KATNBL1: variants seen among roughly 807,000 people sequenced by gnomAD.
The protein encoded by KATNBL1 is katanin regulatory subunit B1 like 1, also known as KATNB1-like protein 1.
KATNBL1 carries 28 observed loss-of-function variants against 44.7 expected under a neutral mutation model. That is an observed-to-expected ratio of 0.63 (90% CI 0.46 to 0.86). KATNBL1 has a LOEUF of 0.86. Among genes scored for constraint, KATNBL1 ranks in the 40% least tolerant of loss-of-function variants. KATNBL1 has a pLI of 0.00. For synonymous variants in KATNBL1, 78 were observed against 114.9 expected (o/e 0.68, Z 2.06); for missense variants, 272 against 350.7 (o/e 0.78, Z 1.79).
In KATNBL1 at chr15:34,154,819, G is replaced by C. The variant is rs1888588756; in HGVS notation, c.118-135C>G. ...AAGGGTGCCAATCGTGCCTGGAGTGGTCGCAAGAGCATACCGGGCATGGGA... is the reference window on the plus strand; with the variant it reads ...AAGGGTGCCAATCGTGCCTGGAGTGCTCGCAAGAGCATACCGGGCATGGGA... On this transcript the variant is annotated intron_variant, in intron 2 of 9. Transcript: ENST00000256544. The C allele has an allele frequency of 4.6e-6, 3 of 655,046 alleles. No homozygotes were observed. The East Asian group carries it at 8.2e-5, about 18-fold the overall frequency. The allele number at this position is 655,046 out of a possible 1,614,324, so 40.6% of individuals were successfully genotyped here.
chr15:34,155,987 T>A (rs1437073265), intron 2 of KATNBL1, among the ~76,000 whole-genome samples: 1 of 152,206 alleles, frequency 6.6e-6, no homozygotes, highest in South Asian at 2.1e-4. Context: ...TGTGTTTTTT[T>A]CTTTCTCTGG....
intron 1 of KATNBL1, among the ~76,000 whole-genome samples, chr15:34,184,701 T>C (rs1337480840): frequency 2.7e-5 from 4 of 149,188 alleles, no homozygotes; most frequent in Non-Finnish European, 4.4e-5. Context: ...GCCTCCCGAG[T>C]AGCTGGGACT....
In KATNBL1 at chr15:34,166,758, A is replaced by G. The variant is rs537872823; in HGVS notation, c.-14-3068T>C. 1.7e-4 allele frequency among the ~76,000 whole-genome samples: 26 copies of G among 152,316 alleles called. No homozygotes were observed. In the South Asian group the frequency reaches 5.4e-3, roughly 32 times the overall value. On this transcript the variant is annotated intron_variant, in intron 1 of 9. Transcript: ENST00000256544. ...CTTCCAGAGGAAGGATCAGGCAGCA[A>G]TATTTGCTGTTCTGCAGCCTCTGCT... is the stretch of plus-strand genomic sequence containing the variant.
rs1491367010 is a variant in KATNBL1, at chr15:34,151,435, A to ATTTTTTTTTTTTTTTTTTT, written c.438+1354_438+1355insAAAAAAAAAAAAAAAAAAA. On this transcript the variant is annotated intron_variant, in intron 4 of 9. Coordinates refer to ENST00000256544, the MANE Select transcript of KATNBL1 (RefSeq NM_024713.3). ...AAAGTGTCTATTGTGTCCTTTGCCTACTTTTTTTTTTTTTTTTTTTTTTTT... is the reference window on the plus strand; with the variant it reads ...AAAGTGTCTATTGTGTCCTTTGCCTATTTTTTTTTTTTTTTTTTTCTTTTTTTTTTTTTTTTTTTTTTTT... Among the ~76,000 whole-genome samples the ATTTTTTTTTTTTTTTTTTT allele has an allele frequency of 9.4e-5, 6 of 63,826 alleles. 1 individual carries two copies. The highest frequency in any genetic ancestry group is 3.2e-5 in the Non-Finnish European group (1 of 31,218). The allele number at this position is 63,826 out of a possible 152,430, so 41.9% of individuals were successfully genotyped here.
chr15:34,163,552 A>G lies in KATNBL1; in HGVS notation c.117+8T>C. The stretch of plus-strand genomic sequence containing the variant: ...GTCTTATCTGTTTTCTAGAAACCAT[A>G]GACTTACCTCCTTCATGTTCTTATT... On this transcript the variant is annotated splice_region_variant and intron_variant, in intron 2 of 9. Transcript: ENST00000256544. 2 of 1,590,168 alleles carry G rather than the reference A, an allele frequency of 1.3e-6. No homozygotes were observed. The highest frequency in any genetic ancestry group is 1.7e-6 in the Non-Finnish European group (2 of 1,174,176).
At chr15:34,160,888 C>T (rs907296461) in intron 2 of KATNBL1, among the ~76,000 whole-genome samples, 2 of 152,160 alleles carry the variant, frequency 1.3e-5, no homozygotes, top group Non-Finnish European at 2.9e-5. Flanking sequence ...ATCCCCCCTA[C>T]TGGAGATTTC....
intron 1 of KATNBL1, among the ~76,000 whole-genome samples, chr15:34,186,668 AT>A (rs1376519116): frequency 6.6e-6 from 1 of 152,134 alleles, no homozygotes; most frequent in Non-Finnish European, 1.5e-5. Context: ...CCCAGGAAGG[AT>A]CCCCCTCCCC....
intron 1 of KATNBL1, among the ~76,000 whole-genome samples, chr15:34,184,612 A>C: frequency 1.9e-5 from 2 of 105,496 alleles, no homozygotes; most frequent in Admixed American, 1.5e-4. Context: ...TCGCTCTGTC[A>C]CCCAGGCTGG....
At chr15:34,145,688 G>T in intron 8 of KATNBL1, 197 bp from the exon 9 acceptor site, 1 of 339,840 alleles carries the variant, frequency 2.9e-6, no homozygotes, top group Non-Finnish European at 4.7e-6. Context: ...AATAATACAT[G>T]TCAGTCATGA....
At chr15:34,174,250 T>A (rs1000191873) in intron 1 of KATNBL1, among the ~76,000 whole-genome samples, 1 of 152,194 alleles carries the variant, frequency 6.6e-6, no homozygotes, top group Non-Finnish European at 1.5e-5. Flanking sequence ...AATGACCACA[T>A]AAGTAGACTG....
intron 1 of KATNBL1, among the ~76,000 whole-genome samples, chr15:34,183,272 G>A (rs1223998834): frequency 6.6e-6 from 1 of 152,220 alleles, no homozygotes; most frequent in Non-Finnish European, 1.5e-5. Context: ...TGTATGCAAT[G>A]ATGTGGGGTA....
intron 2 of KATNBL1, among the ~76,000 whole-genome samples, chr15:34,159,255 G>T (rs1232165182): frequency 6.6e-6 from 1 of 152,180 alleles, no homozygotes; most frequent in Non-Finnish European, 1.5e-5. Flanking sequence ...GCTATGGGCT[G>T]CCGGTGGCCC....
chr15:34,148,849 G>A, intron 4 of KATNBL1, 99 bp from the exon 5 acceptor site: 2 of 685,622 alleles, frequency 2.9e-6, no homozygotes, highest in Admixed American at 4.9e-5. Flanking sequence ...TAAAAATCAT[G>A]CAAAAGTAAC....
At chr15:34,188,219 A>G (rs1889777719) in intron 1 of KATNBL1, among the ~76,000 whole-genome samples, 1 of 149,268 alleles carries the variant, frequency 6.7e-6, no homozygotes, top group East Asian at 2.0e-4. Flanking sequence ...AGAGAAATAC[A>G]CCTCAAATTC....
intron 5 of KATNBL1, among the ~76,000 whole-genome samples, chr15:34,147,678 T>C (rs569691509): frequency 2.6e-5 from 4 of 151,894 alleles, no homozygotes; most frequent in African/African-American, 9.7e-5. Flanking sequence ...ATAAGACATA[T>C]AGAGCAGGTT....
At chr15:34,154,837 G>T in intron 2 of KATNBL1, 153 bp from the exon 3 acceptor site, 1 of 621,236 alleles carries the variant, frequency 1.6e-6, no homozygotes, top group Admixed American at 2.9e-5. Flanking sequence ...AGCATACCGG[G>T]CATGGGAGGA....
chr15:34,190,638 G>A (rs1457068797), intron 1 of KATNBL1, among the ~76,000 whole-genome samples: 2 of 152,128 alleles, frequency 1.3e-5, no homozygotes, highest in East Asian at 1.9e-4. Flanking sequence ...AAGGTAATGG[G>A]AAACTTTACA....
chr15:34,181,309 T>C (rs908207367), intron 1 of KATNBL1, among the ~76,000 whole-genome samples: 1 of 152,094 alleles, frequency 6.6e-6, no homozygotes, highest in Admixed American at 6.6e-5. Context: ...TTTTAGAAGA[T>C]ACATAAAAAA....
chr15:34,174,779 CT>C (rs1190860045), intron 1 of KATNBL1, among the ~76,000 whole-genome samples: 5 of 151,878 alleles, frequency 3.3e-5, no homozygotes, highest in Non-Finnish European at 7.4e-5. Context: ...CTGGATGGGA[CT>C]ATAGGTGCCT....
Sources: gnomAD v4.1 joint callset for allele counts (sites outside exome capture counted in the v4.1 genomes callset) on GRCh38, gnomAD v4.1.1 for gene constraint, MANE v1.5 for transcripts, NCBI Gene and HGNC (gene_info 2026-07-23, HGNC 2026-07-21) for gene names.